Variants in CDH13 observed in about 807,000 individuals in gnomAD.
CDH13 encodes cadherin-13.
CDH13 carries 24 observed loss-of-function variants against 63.8 expected under a neutral mutation model. That is an observed-to-expected ratio of 0.38 (90% CI 0.27 to 0.53). The LOEUF is 0.53. CDH13 is among the 20% of genes least tolerant of loss of function. The pLI, the probability that CDH13 is intolerant of heterozygous loss-of-function variation, is 0.85. For synonymous variants in CDH13, 503 were observed against 355.3 expected, an observed-to-expected ratio of 1.42 and a Z score of -4.67; for missense variants, 1,049 against 903.1, an observed-to-expected ratio of 1.16 and a Z score of -2.07.
intron 8 of CDH13, among the ~76,000 whole-genome samples, chr16:83,609,630 G>C (rs75268058): frequency 0.026 from 4,003 of 152,302 alleles, 79 homozygotes; most frequent in Middle Eastern, 0.037. Flanking sequence ...ATTTGAGGCA[G>C]AATGATGTCA....
At chr16:82,788,018 C>A (rs1475698071) in intron 1 of CDH13, among the ~76,000 whole-genome samples, 2 of 152,170 alleles carry the variant, frequency 1.3e-5, no homozygotes, top group Non-Finnish European at 2.9e-5. Flanking sequence ...ACACACCATT[C>A]ATAAGATTTA....
intron 5 of CDH13, among the ~76,000 whole-genome samples, chr16:83,314,755 T>A (rs1239306496): frequency 1.3e-5 from 2 of 152,236 alleles, no homozygotes; most frequent in African/African-American, 4.8e-5. Flanking sequence ...GCTGTAGTTT[T>A]CTCTTTACAT....
intron 6 of CDH13, among the ~76,000 whole-genome samples, chr16:83,345,933 A>G (rs1447911372): frequency 6.6e-6 from 1 of 152,122 alleles, no homozygotes; most frequent in Non-Finnish European, 1.5e-5. Flanking sequence ...CCTTTTCTGA[A>G]TTGATGGGAT....
chr16:83,055,185 T>G (rs574351427), intron 3 of CDH13, among the ~76,000 whole-genome samples: 1 of 151,710 alleles, frequency 6.6e-6, no homozygotes, highest in Non-Finnish European at 1.5e-5. Context: ...CCAGATAAAG[T>G]AGAGGAAAGA....
At chr16:83,493,692 G>A (rs896889161) in intron 7 of CDH13, among the ~76,000 whole-genome samples, 1 of 152,192 alleles carries the variant, frequency 6.6e-6, no homozygotes, top group African/African-American at 2.4e-5. Context: ...ATTGCAAAAG[G>A]CTTCTAATGT....
chr16:83,716,225 C>A (rs906275628), intron 10 of CDH13, among the ~76,000 whole-genome samples: 5 of 152,108 alleles, frequency 3.3e-5, no homozygotes, highest in African/African-American at 1.2e-4. Flanking sequence ...ATATCCCCCA[C>A]CAAACTGGGA....
intron 2 of CDH13, among the ~76,000 whole-genome samples, chr16:83,014,743 A>AAATATATATAT (rs1429094653): frequency 6.0e-5 from 2 of 33,222 alleles, no homozygotes; most frequent in African/African-American, 1.2e-4. Flanking sequence ...AAAAAAAAAA[A>AAATATATATAT]ATATATATAT....
At chr16:83,716,004 C>A (rs1448844082) in intron 10 of CDH13, among the ~76,000 whole-genome samples, 1 of 152,126 alleles carries the variant, frequency 6.6e-6, no homozygotes, top group African/African-American at 2.4e-5. Context: ...TGCAATTTAC[C>A]TTTAATGTCA....
intron 9 of CDH13, among the ~76,000 whole-genome samples, chr16:83,674,542 A>C (rs1042630280): frequency 2.6e-5 from 4 of 152,246 alleles, no homozygotes; most frequent in South Asian, 2.1e-4. Flanking sequence ...AGAAAGTCCA[A>C]ATCTGGCCTT....
chr16:83,509,342 T>C (rs1227129971), intron 7 of CDH13, among the ~76,000 whole-genome samples: 1 of 152,178 alleles, frequency 6.6e-6, no homozygotes, highest in Non-Finnish European at 1.5e-5. Flanking sequence ...GAGCAAAAGA[T>C]TTTTGAGCAC....
chr16:82,746,605 TA>T (rs528573597), intron 1 of CDH13, among the ~76,000 whole-genome samples: 9 of 152,098 alleles, frequency 5.9e-5, no homozygotes, highest in Non-Finnish European at 1.0e-4. Context: ...CATTTTTATT[TA>T]AAAAACCAAG....
intron 7 of CDH13, among the ~76,000 whole-genome samples, chr16:83,577,307 A>G (rs1478122480): frequency 6.6e-6 from 1 of 152,208 alleles, no homozygotes; most frequent in Non-Finnish European, 1.5e-5. Flanking sequence ...AGAAGAGAGG[A>G]ATAGGAGAAG....
At chr16:83,396,196 G>C (rs886639406) in intron 6 of CDH13, among the ~76,000 whole-genome samples, 5 of 152,130 alleles carry the variant, frequency 3.3e-5, no homozygotes, top group African/African-American at 1.2e-4. Flanking sequence ...GTCTATCGTT[G>C]ATGGGCACTT....
intron 5 of CDH13, among the ~76,000 whole-genome samples, chr16:83,225,710 C>A (rs1381383804): frequency 6.6e-6 from 1 of 152,182 alleles, no homozygotes; most frequent in Non-Finnish European, 1.5e-5. Context: ...GCCCAAGCTG[C>A]ACTCCAAACC....
At chr16:83,760,050 C>G (rs893580457) in intron 11 of CDH13, among the ~76,000 whole-genome samples, 1 of 151,578 alleles carries the variant, frequency 6.6e-6, no homozygotes, top group Non-Finnish European at 1.5e-5. Context: ...TACACAAATC[C>G]TAACAAATGT....
chr16:83,392,674 G>A (rs1260555139), intron 6 of CDH13, among the ~76,000 whole-genome samples: 1 of 152,194 alleles, frequency 6.6e-6, no homozygotes, highest in East Asian at 1.9e-4. Context: ...CCTAAGTCGT[G>A]ATATAAAACA....
chr16:83,063,457 C>T (rs192843462), intron 3 of CDH13, among the ~76,000 whole-genome samples: 1 of 152,258 alleles, frequency 6.6e-6, no homozygotes. Context: ...GAATGTGCAG[C>T]CATTTTCAAA....
chr16:83,254,955 CTTTCTTTCTTTCTTT>C (rs1567542214), intron 5 of CDH13, among the ~76,000 whole-genome samples: 26 of 2,680 alleles, frequency 9.7e-3, no homozygotes, highest in East Asian at 0.045. Flanking sequence ...TTTTCTCTTT[CTTTCTTTCTTTCTTT>C]CTTTCTTTCT....
intron 5 of CDH13, among the ~76,000 whole-genome samples, chr16:83,226,608 T>C (rs1470628151): frequency 6.6e-6 from 1 of 152,224 alleles, no homozygotes; most frequent in African/African-American, 2.4e-5. Flanking sequence ...CAGGTCTACT[T>C]CATCATGCTG....
Sources: gnomAD v4.1 joint callset for allele counts (sites outside exome capture counted in the v4.1 genomes callset) on GRCh38, gnomAD v4.1.1 for gene constraint, MANE v1.5 for transcripts, NCBI Gene and HGNC (gene_info 2026-07-23, HGNC 2026-07-21) for gene names.